The following TMPRSS11A variants were observed in gnomAD, a reference collection of about 807,000 sequenced individuals.
TMPRSS11A encodes transmembrane serine protease 11A.
A neutral mutation model predicts 58.9 loss-of-function variants in TMPRSS11A; 53 were observed. The ratio of observed to expected loss-of-function variants is 0.90; its 90% CI spans 0.72 to 1.13. The LOEUF (loss-of-function observed/expected upper bound fraction) is 1.13, where lower values mean the gene tolerates loss of function less well. Among genes scored for constraint, TMPRSS11A ranks in the 50% most tolerant of loss-of-function variants. The probability of loss-of-function intolerance (pLI) is 0.00; values close to 1 mark genes in which losing one functional copy is unlikely to be tolerated. For synonymous variants in TMPRSS11A, 167 were observed against 169.8 expected (o/e 0.98, Z 0.13); for missense variants, 493 against 499.3 (o/e 0.99, Z 0.12).
chr4:67,918,892 G>T, intron 8 of TMPRSS11A, 81 bp downstream of exon 8: 2 of 1,499,518 alleles, frequency 1.3e-6, no homozygotes, highest in Non-Finnish European at 1.8e-6. Flanking sequence ...GGAAATGGCT[G>T]TCAGGATAAT....
intron 6 of TMPRSS11A, among the ~76,000 whole-genome samples, chr4:67,923,535 C>A (rs886869330): frequency 1.3e-5 from 2 of 152,100 alleles, no homozygotes; most frequent in Non-Finnish European, 2.9e-5. Context: ...GAGATGGAGT[C>A]TCACTCTGTC....
At chr4:67,913,931 G>T (rs1054929061) in intron 9 of TMPRSS11A, among the ~76,000 whole-genome samples, 1 of 152,206 alleles carries the variant, frequency 6.6e-6, no homozygotes, top group African/African-American at 2.4e-5. Context: ...ACCTTCGCTG[G>T]AAAACATCCA....
chr4:67,937,305 T>A (rs1720776950), intron 3 of TMPRSS11A, among the ~76,000 whole-genome samples: 1 of 152,212 alleles, frequency 6.6e-6, no homozygotes, highest in African/African-American at 2.4e-5. Context: ...TCCTTCATCT[T>A]TCTCTATTAC....
intron 3 of TMPRSS11A, among the ~76,000 whole-genome samples, chr4:67,939,124 T>G (rs1452170679): frequency 6.6e-6 from 1 of 151,800 alleles, no homozygotes; most frequent in African/African-American, 2.4e-5. Flanking sequence ...ATAGAGATCT[T>G]TTACCTCCTT....
chr4:67,919,164 T>A lies in TMPRSS11A; in HGVS notation c.761A>T (p.Asn254Ile). 1.2e-6 allele frequency: 2 copies of A among 1,614,192 alleles called. No individual in the cohort carries two copies. Among genetic ancestry groups the A allele is most frequent in the South Asian group, 2.2e-5 (2 of 91,082 alleles). The change falls in exon 8 of 10, where the codon AAT (asparagine) becomes ATT (isoleucine). Residue 254 changes from asparagine to isoleucine, a missense_variant. Physicochemically the swap from Asn to Ile is moderately radical, Grantham distance 149 (BLOSUM62 -3). Transcript: ENST00000508048. ...CTCATGGATAATAAATCTTCTGACATTTCTTTTCATTAAGGGAGGGTTGAT... is the reference window on the plus strand; with the variant it reads ...CTCATGGATAATAAATCTTCTGACAATTCTTTTCATTAAGGGAGGGTTGAT... ...TKINPPLMKR[N>I]VRRFIIHEKY... is the part of the protein sequence containing the mutation.
At chr4:67,943,484 G>A (rs1253032212) in intron 3 of TMPRSS11A, among the ~76,000 whole-genome samples, 1 of 152,148 alleles carries the variant, frequency 6.6e-6, no homozygotes, top group Non-Finnish European at 1.5e-5. Flanking sequence ...AGTCACTTAG[G>A]ACTGGAGGAG....
chr4:67,918,147 T>C (rs138441131), intron 8 of TMPRSS11A, among the ~76,000 whole-genome samples: 1 of 152,214 alleles, frequency 6.6e-6, no homozygotes, highest in Non-Finnish European at 1.5e-5. Flanking sequence ...ATCCTGCAAA[T>C]AGATTTAGTC....
At chr4:67,913,709 G>A (rs920367167) in intron 9 of TMPRSS11A, among the ~76,000 whole-genome samples, 2 of 152,176 alleles carry the variant, frequency 1.3e-5, no homozygotes, top group East Asian at 3.8e-4. Flanking sequence ...GGCTGGCTGT[G>A]GACCAGATCC....
At chr4:67,953,060 G>A (rs907440005) in intron 1 of TMPRSS11A, among the ~76,000 whole-genome samples, 7 of 152,184 alleles carry the variant, frequency 4.6e-5, no homozygotes, top group Non-Finnish European at 1.5e-5. Flanking sequence ...TAAGGAGCAT[G>A]TAACCTGGGT....
chr4:67,955,433 C>A (rs944792975), intron 1 of TMPRSS11A, among the ~76,000 whole-genome samples: 1 of 152,102 alleles, frequency 6.6e-6, no homozygotes. Flanking sequence ...AAAGTTTGTA[C>A]GATATGGTAT....
At chr4:67,957,630 A>C (rs989727373) in intron 1 of TMPRSS11A, among the ~76,000 whole-genome samples, 2 of 152,184 alleles carry the variant, frequency 1.3e-5, no homozygotes, top group Non-Finnish European at 2.9e-5. Flanking sequence ...ACAGAGCATA[A>C]AAGTTCAGAA....
Position 67,919,187 on chromosome 4 carries a change from G to C in TMPRSS11A, c.738C>G (p.Ile246Met), listed in dbSNP as rs762320807. ...CATTTCTTTTCATTAAGGGAGGGTT[G>C]ATTTTTGTTCCAAAACTAACAGTCC... ...HQWTVSFGTK[I>M]NPPLMKRNVR... Residue 246 changes from isoleucine to methionine, a missense_variant, in exon 8 of 10, where the codon ATC becomes ATG. Transcript: ENST00000508048. 3.7e-6 allele frequency: 6 copies of C among 1,613,964 alleles called. No homozygotes were observed. The highest frequency in any genetic ancestry group is 5.1e-6 in the Non-Finnish European group (6 of 1,179,960).
Position 67,944,533 on chromosome 4 carries a change from TCTCTCGTAAGTCCTTA to T in TMPRSS11A, c.222_237del (p.Lys75ArgfsTer11), listed in dbSNP as rs1264962582. On this transcript the variant is annotated frameshift_variant, in exon 3 of 10. Transcript: ENST00000508048. LOFTEE classifies it high-confidence loss of function. ...ACCTGACTCACCAAATTTTCGGTCGTCTCTCGTAAGTCCTTAAGTTGATATGTGTTGCTTTGTCCGA... is the reference window on the plus strand; with the variant it reads ...ACCTGACTCACCAAATTTTCGGTCGTAGTTGATATGTGTTGCTTTGTCCGA... 1.2e-6 allele frequency: 2 copies of T among 1,609,334 alleles called. No homozygotes were observed. The highest frequency in any genetic ancestry group is 3.4e-5 in the Admixed American group (2 of 59,322).
At chr4:67,925,444 G>A (rs1720442002) in intron 5 of TMPRSS11A, among the ~76,000 whole-genome samples, 1 of 152,120 alleles carries the variant, frequency 6.6e-6, no homozygotes, top group Non-Finnish European at 1.5e-5. Context: ...CACATTCTCA[G>A]TATTCTATTC....
intron 1 of TMPRSS11A, among the ~76,000 whole-genome samples, 192 bp downstream of exon 1, chr4:67,963,191 A>T (rs1160927494): frequency 2.0e-5 from 3 of 152,248 alleles, no homozygotes; most frequent in African/African-American, 7.2e-5. Context: ...CAATTTTTAT[A>T]CAAAAACTTT....
chr4:67,950,412 AC>A (rs1721128633), intron 1 of TMPRSS11A, among the ~76,000 whole-genome samples: 1 of 152,222 alleles, frequency 6.6e-6, no homozygotes, highest in African/African-American at 2.4e-5. Flanking sequence ...TCTCTCTCAC[AC>A]TTTGAATCTC....
intron 1 of TMPRSS11A, among the ~76,000 whole-genome samples, chr4:67,953,708 G>T (rs1044162293): frequency 6.6e-6 from 1 of 152,018 alleles, no homozygotes; most frequent in East Asian, 1.9e-4. Flanking sequence ...TGAGGCAGGA[G>T]AATTGCTTGG....
At position 67,913,196 on chromosome 4, in the gene TMPRSS11A, CAA is replaced by C. The variant is rs1384334909; in HGVS notation, c.1095+1390_1095+1391del. On this transcript the variant is annotated intron_variant, in intron 9 of 9. Coordinates refer to ENST00000508048, the MANE Select transcript of TMPRSS11A (RefSeq NM_001114387.2). The stretch of plus-strand genomic sequence containing the variant: ...TGGTGCTATGGTTTGAATGTGAGCC[CAA>C]GAGTTCATAGGTTGGGGAAACTTAA... Among the ~76,000 whole-genome samples, 3 of 152,016 alleles carry C rather than the reference CAA, an allele frequency of 2.0e-5. No homozygotes were observed. In the East Asian group the frequency reaches 5.8e-4, roughly 29 times the overall value.
chr4:67,938,076 A>G (rs957860806), intron 3 of TMPRSS11A, among the ~76,000 whole-genome samples: 4 of 152,006 alleles, frequency 2.6e-5, no homozygotes, highest in Non-Finnish European at 5.9e-5. Flanking sequence ...TATTTTTTTA[A>G]TCTTTAATAA....
Sources: gnomAD v4.1 joint callset for allele counts (sites outside exome capture counted in the v4.1 genomes callset) on GRCh38, gnomAD v4.1.1 for gene constraint, MANE v1.5 for transcripts, NCBI Gene and HGNC (gene_info 2026-07-23, HGNC 2026-07-21) for gene names.